Variants in AKR1A1 observed in about 807,000 individuals in gnomAD.
AKR1A1 encodes HEL-S-165mP.
Under a neutral mutation model 39.2 loss-of-function variants are expected in AKR1A1, and 26 were observed. The ratio of observed to expected loss-of-function variants is 0.66; its 90% CI spans 0.49 to 0.92. AKR1A1 has a LOEUF of 0.92. Ranked by LOEUF, AKR1A1 falls within the 40% of genes least tolerant of loss-of-function variation. AKR1A1 has a pLI of 0.00. For synonymous variants in AKR1A1, 141 were observed against 155.5 expected (o/e 0.91, Z 0.69); for missense variants, 378 against 406.5 (o/e 0.93, Z 0.60).
chr1:45,563,433 A>G (rs910340082), intron 2 of AKR1A1, among the ~76,000 whole-genome samples: 2 of 152,074 alleles, frequency 1.3e-5, no homozygotes, highest in African/African-American at 4.8e-5. Context: ...GTTAAAAAAC[A>G]ATTAGATTCT....
chr1:45,557,217 A>C (rs1431515521), intron 1 of AKR1A1, among the ~76,000 whole-genome samples: 1 of 151,906 alleles, frequency 6.6e-6, no homozygotes, highest in Non-Finnish European at 1.5e-5. Flanking sequence ...AAAAGATAAC[A>C]TGAGGGTTTC....
At chr1:45,560,508 G>C (rs994556245) in intron 1 of AKR1A1, among the ~76,000 whole-genome samples, 1 of 152,102 alleles carries the variant, frequency 6.6e-6, no homozygotes, top group Non-Finnish European at 1.5e-5. Context: ...TACTTGGAAG[G>C]GTGAGGCAGG....
chr1:45,566,721 A>G (rs1380290146), intron 3 of AKR1A1, 33 bp downstream of exon 3: 24 of 1,611,498 alleles, frequency 1.5e-5, no homozygotes, highest in Non-Finnish European at 1.9e-5. Context: ...GAGGTGGGAT[A>G]AGAGAACTTA....
chr1:45,552,567 G>A (rs1181128038), intron 1 of AKR1A1: 1 of 152,232 alleles, frequency 6.6e-6, no homozygotes, highest in Admixed American at 6.6e-5. Flanking sequence ...GGCAAAGGTA[G>A]GGTTTGGGGA....
chr1:45,566,308 A>G (rs1644342899), intron 2 of AKR1A1, among the ~76,000 whole-genome samples: 1 of 152,026 alleles, frequency 6.6e-6, no homozygotes, highest in South Asian at 2.1e-4. Context: ...GGGTTTCACC[A>G]TGTTGGCCAG....
In AKR1A1 at chr1:45,568,499, A is replaced by G; in HGVS notation, c.567A>G (p.Pro189=). 6.2e-7 allele frequency: 1 copy of G among 1,613,734 alleles called. No homozygotes were observed. The highest frequency in any genetic ancestry group is 8.5e-7 in the Non-Finnish European group (1 of 1,180,022). Residue 189 remains proline (P), a synonymous_variant, in exon 6 of 9, where the codon CCA becomes CCG. Transcript: ENST00000351829. ...CTTTGGCTCAGGTGGAATGCCACCC[A>G]TACTTGGCTCAAAATGAGCTAATTG... The part of the protein sequence containing the change: ...RPAVLQVECH[P]YLAQNELIAH...
rs41269115 is a variant in AKR1A1, at chr1:45,568,802, G to C, written c.752+118G>C. On this transcript the variant is annotated intron_variant, in intron 6 of 8. Coordinates refer to ENST00000351829, the MANE Select transcript of AKR1A1 (RefSeq NM_153326.3). ...CCTTGTGATCTGGAGGGAGGCCACT[G>C]TAGGCATATTTCCCATTTCAGCAGG... 6,160 of 1,520,044 alleles carry C rather than the reference G, an allele frequency of 4.1e-3. 87 individuals are homozygous for C. The East Asian group carries it at 0.045, about 11-fold the overall frequency. The allele number at this position is 1,520,044 out of a possible 1,614,324, so 94.2% of individuals were successfully genotyped here. A position where few individuals can be genotyped will look rare whatever the true frequency, so the allele number is the denominator to read the frequency against.
Position 45,568,702 on chromosome 1 carries a change from G to A in AKR1A1, c.752+18G>A. On this transcript the variant is annotated intron_variant, in intron 6 of 8. Transcript: ENST00000351829. ...TTGCTCAGGTATGGGGCAGTCTTAGGGAGAGGGCCCTGGGTTGGGAGGCAA... is the reference window on the plus strand; with the variant it reads ...TTGCTCAGGTATGGGGCAGTCTTAGAGAGAGGGCCCTGGGTTGGGAGGCAA... 1 of 1,612,762 alleles carries A rather than the reference G, an allele frequency of 6.2e-7. No individual in the cohort carries two copies. The highest frequency in any genetic ancestry group is 8.5e-7 in the Non-Finnish European group (1 of 1,179,712).
intron 1 of AKR1A1, among the ~76,000 whole-genome samples, chr1:45,561,221 G>A (rs1000185295): frequency 2.6e-5 from 4 of 152,124 alleles, no homozygotes; most frequent in Admixed American, 2.0e-4. Flanking sequence ...TTTAGATAGT[G>A]CAGTTCTTTA....
At chr1:45,566,485 C>T (rs779111211) in intron 2 of AKR1A1, 84 bp from the exon 3 acceptor site, 665 of 1,569,858 alleles carry the variant, frequency 4.2e-4, no homozygotes, top group Non-Finnish European at 5.5e-4. Context: ...TCTGAGCCCC[C>T]TTCCCCCAGC....
chr1:45,555,229 T>C (rs1299400894), intron 1 of AKR1A1, among the ~76,000 whole-genome samples: 1 of 152,252 alleles, frequency 6.6e-6, no homozygotes, highest in East Asian at 1.9e-4. Context: ...AGCTCACGCC[T>C]GTAATCCCAG....
At chr1:45,560,836 T>C (rs2148296648) in intron 1 of AKR1A1, among the ~76,000 whole-genome samples, 1 of 151,256 alleles carries the variant, frequency 6.6e-6, no homozygotes, top group East Asian at 2.0e-4. Context: ...CAAGTGATTC[T>C]CCTGCCTCAG....
intron 1 of AKR1A1, among the ~76,000 whole-genome samples, chr1:45,556,895 A>G (rs1418011736): frequency 6.6e-6 from 1 of 151,120 alleles, no homozygotes; most frequent in East Asian, 1.9e-4. Flanking sequence ...ATAAATAAAT[A>G]AAGTAAAAGA....
chr1:45,558,549 G>C (rs1644238080), intron 1 of AKR1A1, among the ~76,000 whole-genome samples: 1 of 151,722 alleles, frequency 6.6e-6, no homozygotes, highest in African/African-American at 2.4e-5. Flanking sequence ...ACAGGCATGT[G>C]CCACCATGCC....
At chr1:45,551,808 G>T (rs564633530) in intron 1 of AKR1A1, among the ~76,000 whole-genome samples, 1 of 152,298 alleles carries the variant, frequency 6.6e-6, no homozygotes, top group African/African-American at 2.4e-5. Flanking sequence ...GCCGAGTATA[G>T]TAAAGTGCTT....
chr1:45,569,485 C>T (rs1644387847), intron 8 of AKR1A1, among the ~76,000 whole-genome samples: 2 of 152,140 alleles, frequency 1.3e-5, no homozygotes, highest in South Asian at 4.2e-4. Flanking sequence ...TTAAACTTCT[C>T]CAAGCCTCAG....
At chr1:45,569,118 C>T (rs1339068102) in intron 7 of AKR1A1, 25 bp from the exon 8 acceptor site, 1 of 1,612,320 alleles carries the variant, frequency 6.2e-7, no homozygotes, top group Non-Finnish European at 8.5e-7. Flanking sequence ...AGCTGGCTTT[C>T]TTGAACCCCA....
chr1:45,555,100 G>A (rs1265403195), intron 1 of AKR1A1, among the ~76,000 whole-genome samples: 1 of 152,116 alleles, frequency 6.6e-6, no homozygotes, highest in Non-Finnish European at 1.5e-5. Context: ...AGAGTACAAA[G>A]TCAACACTCT....
At chr1:45,558,773 C>G (rs964302696) in intron 1 of AKR1A1, among the ~76,000 whole-genome samples, 3 of 152,120 alleles carry the variant, frequency 2.0e-5, no homozygotes, top group Admixed American at 6.6e-5. Flanking sequence ...TCAGGTGATC[C>G]GTCGCATCGG....
Sources: allele counts gnomAD v4.1 joint callset (sites outside exome capture counted in the v4.1 genomes callset), GRCh38; gene constraint gnomAD v4.1.1; transcripts MANE v1.5; gene names NCBI Gene and HGNC (gene_info 2026-07-23, HGNC 2026-07-21).